Variants in PTPN9 observed in about 807,000 individuals in gnomAD.
PTPN9 encodes the protein tyrosine-protein phosphatase non-receptor type 9.
A neutral mutation model predicts 69.8 loss-of-function variants in PTPN9; 26 were observed. The observed-to-expected ratio is 0.37, with a 90% CI of 0.27 to 0.52. PTPN9 has a LOEUF of 0.52. Ranked by LOEUF, PTPN9 falls within the 20% of genes least tolerant of loss-of-function variation. The pLI is 0.91. For missense variants in PTPN9, 549 were observed against 740.3 expected (o/e 0.74, Z 3.00); for synonymous variants, 274 against 272.5 (o/e 1.01, Z -0.05).
chr15:75,530,734 T>TA (rs2074957720), intron 1 of PTPN9, among the ~76,000 whole-genome samples: 2 of 31,920 alleles, frequency 6.3e-5, no homozygotes, highest in Non-Finnish European at 8.7e-5. Context: ...ATAATATATA[T>TA]TATTATATAA....
intron 8 of PTPN9, among the ~76,000 whole-genome samples, chr15:75,482,950 G>A (rs1244476130): frequency 1.3e-5 from 2 of 150,562 alleles, no homozygotes; most frequent in East Asian, 3.9e-4. Flanking sequence ...GCGAGACTCT[G>A]TCTCAAAAAA....
chr15:75,525,978 C>T (rs993028522), intron 2 of PTPN9, among the ~76,000 whole-genome samples: 1 of 151,520 alleles, frequency 6.6e-6, no homozygotes, highest in African/African-American at 2.4e-5. Flanking sequence ...AACATTTCTA[C>T]AACTCTTTGT....
rs1295928433 is a variant in PTPN9, at chr15:75,540,543, T to TA, written c.64-13283dup. On this transcript the variant is annotated intron_variant, in intron 1 of 12. Coordinates refer to ENST00000618819, the MANE Select transcript of PTPN9 (RefSeq NM_002833.4). ...GGGTGACAGAGCAAGACTCTGTCTCTAAAAAAAAAAAAAAAAAAAGAAAGA... is the reference window on the plus strand; with the variant it reads ...GGGTGACAGAGCAAGACTCTGTCTCTAAAAAAAAAAAAAAAAAAAAGAAAGA... Among the ~76,000 whole-genome samples the TA allele has an allele frequency of 2.3e-3, 259 of 112,772 alleles. 5 individuals carry two copies. The South Asian group carries it at 0.025, about 11-fold the overall frequency. The allele number at this position is 112,772 out of a possible 152,430, so 74.0% of individuals were successfully genotyped here. A position where few individuals can be genotyped will look rare whatever the true frequency, so the allele number is the denominator to read the frequency against.
intron 1 of PTPN9, among the ~76,000 whole-genome samples, chr15:75,558,485 T>C (rs1423283067): frequency 6.6e-6 from 1 of 151,864 alleles, no homozygotes; most frequent in Non-Finnish European, 1.5e-5. Flanking sequence ...CCAGCCTGGG[T>C]GACAAGAGTG....
At chr15:75,499,692 C>A (rs931081643) in intron 7 of PTPN9, among the ~76,000 whole-genome samples, 1 of 151,940 alleles carries the variant, frequency 6.6e-6, no homozygotes, top group Non-Finnish European at 1.5e-5. Flanking sequence ...GCGTGAGCCA[C>A]CGCGCCCAGC....
intron 1 of PTPN9, among the ~76,000 whole-genome samples, chr15:75,537,273 A>G (rs1483323866): frequency 6.7e-6 from 1 of 148,920 alleles, no homozygotes; most frequent in African/African-American, 2.5e-5. Context: ...AATTGCTTGA[A>G]TCCAGGAGGC....
At chr15:75,565,641 T>C (rs1435806356) in intron 1 of PTPN9, among the ~76,000 whole-genome samples, 1 of 152,206 alleles carries the variant, frequency 6.6e-6, no homozygotes, top group East Asian at 1.9e-4. Flanking sequence ...AATGGAATGA[T>C]AATTTTCTTC....
At position 75,494,795 on chromosome 15, in the gene PTPN9, G is replaced by A. The variant is rs187333608; in HGVS notation, c.969-4494C>T. Among the ~76,000 whole-genome samples the A allele has an allele frequency of 2.2e-3, 337 of 152,088 alleles. 2 individuals carry two copies. The highest frequency in any genetic ancestry group is 7.3e-3 in the African/African-American group (304 of 41,546). ...TCCCAGCACTTTGGGAGGCCAAGGA[G>A]GGCAGATCTCCTGAAGTCAGGAGTT... On this transcript the variant is annotated intron_variant, in intron 7 of 12. Transcript: ENST00000618819.
chr15:75,534,976 G>T (rs2074976989), intron 1 of PTPN9, among the ~76,000 whole-genome samples: 1 of 151,612 alleles, frequency 6.6e-6, no homozygotes, highest in African/African-American at 2.4e-5. Context: ...AAAAACAAAA[G>T]AAATAAACAT....
At chr15:75,516,181 C>T (rs1010780066) in intron 5 of PTPN9, among the ~76,000 whole-genome samples, 2 of 151,968 alleles carry the variant, frequency 1.3e-5, no homozygotes, top group Admixed American at 1.3e-4. Context: ...ATCCAAAATG[C>T]TTGGGACTAG....
At chr15:75,534,124 C>T (rs1043292111) in intron 1 of PTPN9, among the ~76,000 whole-genome samples, 7 of 152,170 alleles carry the variant, frequency 4.6e-5, no homozygotes, top group Admixed American at 3.9e-4. Context: ...AGTCATTTAA[C>T]CTCTCTGAGC....
intron 5 of PTPN9, among the ~76,000 whole-genome samples, chr15:75,512,212 CTTT>C (rs534426395): frequency 1.4e-5 from 2 of 144,114 alleles, no homozygotes; most frequent in Non-Finnish European, 3.1e-5. Context: ...TATGAATATT[CTTT>C]TTTTTTTTTT....
At chr15:75,489,159 A>G (rs2074695496) in intron 8 of PTPN9, among the ~76,000 whole-genome samples, 1 of 134,962 alleles carries the variant, frequency 7.4e-6, no homozygotes, top group African/African-American at 3.0e-5. Context: ...TGGGGGACAG[A>G]GCAAGACTCC....
chr15:75,533,380 T>C (rs1355870721), intron 1 of PTPN9, among the ~76,000 whole-genome samples: 1 of 152,148 alleles, frequency 6.6e-6, no homozygotes, highest in Non-Finnish European at 1.5e-5. Context: ...TGCCTCAGCC[T>C]TTCCAAGTGG....
chr15:75,539,532 T>G (rs530221293), intron 1 of PTPN9, among the ~76,000 whole-genome samples: 1 of 150,870 alleles, frequency 6.6e-6, no homozygotes, highest in African/African-American at 2.4e-5. Flanking sequence ...GGTCTCGAAC[T>G]CCTGACCTCA....
At chr15:75,498,395 T>G (rs1595953108) in intron 7 of PTPN9, among the ~76,000 whole-genome samples, 1 of 149,408 alleles carries the variant, frequency 6.7e-6, no homozygotes, top group Non-Finnish European at 1.5e-5. Flanking sequence ...AATGGGGAGG[T>G]GGTGGGAAGG....
chr15:75,506,645 G>A (rs944656277), intron 6 of PTPN9, among the ~76,000 whole-genome samples: 2 of 152,042 alleles, frequency 1.3e-5, no homozygotes, highest in Non-Finnish European at 2.9e-5. Flanking sequence ...AAGTAGCTGG[G>A]AATACAGATG....
At chr15:75,540,170 A>C (rs563920664) in intron 1 of PTPN9, among the ~76,000 whole-genome samples, 2 of 152,360 alleles carry the variant, frequency 1.3e-5, no homozygotes, top group African/African-American at 4.8e-5. Flanking sequence ...GACTTTTACA[A>C]AAGTTTAGTC....
chr15:75,509,839 C>T (rs1047724465), intron 5 of PTPN9, among the ~76,000 whole-genome samples: 2 of 152,086 alleles, frequency 1.3e-5, no homozygotes, highest in Non-Finnish European at 2.9e-5. Context: ...CAAAGATTAG[C>T]CGGGCATGGT....
Sources: allele counts gnomAD v4.1 joint callset (sites outside exome capture counted in the v4.1 genomes callset), GRCh38; gene constraint gnomAD v4.1.1; transcripts MANE v1.5; gene names NCBI Gene and HGNC (gene_info 2026-07-23, HGNC 2026-07-21).